GDI2: variants seen among roughly 807,000 people sequenced by gnomAD.
GDI2 encodes the protein GDP dissociation inhibitor 2, also known as rab GDP dissociation inhibitor beta.
A neutral mutation model predicts 54.2 loss-of-function variants in GDI2; 22 were observed. The observed-to-expected ratio is 0.41, with a 90% CI of 0.29 to 0.58. The LOEUF is 0.58. Among genes scored for constraint, GDI2 ranks in the 20% least tolerant of loss-of-function variants. GDI2 has a pLI of 0.35. For synonymous variants in GDI2, 177 were observed against 182.1 expected, an observed-to-expected ratio of 0.97 and a Z score of 0.23; for missense variants, 422 against 546.0, an observed-to-expected ratio of 0.77 and a Z score of 2.26.
chr10:5,775,592 A>G (rs1840600261), intron 6 of GDI2, among the ~76,000 whole-genome samples: 1 of 152,188 alleles, frequency 6.6e-6, no homozygotes, highest in Non-Finnish European at 1.5e-5. Flanking sequence ...GAGCCAACAA[A>G]TCTATGATAA....
chr10:5,766,184 A>G lies in GDI2; in HGVS notation c.1192-32T>C, dbSNP rs1215918463. ...ACAAAAATTACGAAGACTTAAGACC[A>G]TGGAGGGATGTCTTCCAGTGAAACC... On this transcript the variant is annotated intron_variant, in intron 10 of 10. Coordinates refer to ENST00000380191, the MANE Select transcript of GDI2 (RefSeq NM_001494.4). The surrounding 1 kb of genome is among the most constrained non-coding windows in gnomAD (Gnocchi z 5.8). 6.2e-7 allele frequency: 1 copy of G among 1,612,398 alleles called. No individual in the cohort carries two copies. The highest frequency in any genetic ancestry group is 8.5e-7 in the Non-Finnish European group (1 of 1,178,338).
At chr10:5,767,253 C>T (rs143417978) in intron 8 of GDI2, among the ~76,000 whole-genome samples, 73 of 151,310 alleles carry the variant, frequency 4.8e-4, no homozygotes, top group African/African-American at 1.7e-3. Context: ...ACCCAGGACC[C>T]GCCTGGGAAC....
At chr10:5,785,100 A>T in intron 6 of GDI2, 42 bp downstream of exon 6, 1 of 1,449,534 alleles carries the variant, frequency 6.9e-7, no homozygotes, top group Admixed American at 2.1e-5. Flanking sequence ...TATGTTGAAG[A>T]TGAGGTTTTG....
At chr10:5,795,160 CCT>C in intron 3 of GDI2, 141 bp from the exon 4 acceptor site, 2 of 615,424 alleles carry the variant, frequency 3.2e-6, no homozygotes, top group Non-Finnish European at 5.7e-6. Context: ...ACACAGTCTC[CCT>C]CTGTTGCCCA....
intron 1 of GDI2, among the ~76,000 whole-genome samples, chr10:5,805,711 C>A (rs1841364378): frequency 6.6e-6 from 1 of 152,170 alleles, no homozygotes; most frequent in African/African-American, 2.4e-5. Context: ...TGATGCTGGT[C>A]CAGGACCAAT....
At chr10:5,782,921 G>A (rs951772353) in intron 6 of GDI2, among the ~76,000 whole-genome samples, 2 of 152,098 alleles carry the variant, frequency 1.3e-5, no homozygotes, top group African/African-American at 2.4e-5. Context: ...CAACAAGAGT[G>A]GAACTCCATC....
In GDI2 at chr10:5,802,486, C is replaced by T. The variant is rs193290717; in HGVS notation, c.46-1781G>A. ...TGGTGGCGCATGCCTGTAATCCCAG[C>T]TACTCGGGAGGCTGAGGCAGGAGAA... On this transcript the variant is annotated intron_variant, in intron 1 of 10. Transcript: ENST00000380191. Among the ~76,000 whole-genome samples the T allele has an allele frequency of 2.7e-3, 406 of 152,036 alleles. 4 individuals carry two copies. The highest frequency in any genetic ancestry group is 9.2e-3 in the African/African-American group (382 of 41,486).
At chr10:5,804,092 CTTTCT>C (rs1415289138) in intron 1 of GDI2, among the ~76,000 whole-genome samples, 2 of 69,714 alleles carry the variant, frequency 2.9e-5, no homozygotes, top group Non-Finnish European at 9.2e-5. Context: ...GTGAATCATT[CTTTCT>C]TTTTTTTTTT....
At chr10:5,787,153 T>C (rs1200799822) in intron 4 of GDI2, among the ~76,000 whole-genome samples, 2 of 152,260 alleles carry the variant, frequency 1.3e-5, no homozygotes, top group Non-Finnish European at 2.9e-5. Flanking sequence ...CTTAATGTTT[T>C]GATAGATTTA....
intron 1 of GDI2, among the ~76,000 whole-genome samples, chr10:5,812,743 C>G (rs2131728315): frequency 6.6e-6 from 1 of 152,330 alleles, no homozygotes; most frequent in South Asian, 2.1e-4. Context: ...TCAGGAAACC[C>G]CGTACTCGGC....
chr10:5,791,750 G>GAA (rs35475458), intron 4 of GDI2, among the ~76,000 whole-genome samples: 69 of 137,270 alleles, frequency 5.0e-4, no homozygotes, highest in African/African-American at 9.9e-4. Context: ...CAAAAAAAAA[G>GAA]AAAAAAAAAA....
intron 1 of GDI2, among the ~76,000 whole-genome samples, chr10:5,811,525 G>C (rs1350499950): frequency 1.3e-5 from 2 of 152,068 alleles, no homozygotes; most frequent in Non-Finnish European, 2.9e-5. Flanking sequence ...AAATCTGAAA[G>C]ACCAGCAACA....
At position 5,768,570 on chromosome 10, in the gene GDI2, G is replaced by T; in HGVS notation, c.820-186C>A. On this transcript the variant is annotated intron_variant, in intron 7 of 10. Transcript: ENST00000380191. The surrounding 1 kb of genome is among the most constrained non-coding windows in gnomAD (Gnocchi z 4.4). ...TCTTAAAAGAAGAACAGCAAAGCTGGAGGACTCACTCACTAAAAAGCTACA... is the reference window on the plus strand; with the variant it reads ...TCTTAAAAGAAGAACAGCAAAGCTGTAGGACTCACTCACTAAAAAGCTACA... 1 of 577,866 alleles carries T rather than the reference G, an allele frequency of 1.7e-6. No homozygotes were observed. The highest frequency in any genetic ancestry group is 3.1e-6 in the Non-Finnish European group (1 of 325,478). 35.8% of individuals were successfully genotyped at this position (577,866 alleles called of 1,614,324 possible). A position where few individuals can be genotyped will look rare whatever the true frequency, so the allele number is the denominator to read the frequency against.
At chr10:5,802,869 A>G (rs1000056388) in intron 1 of GDI2, among the ~76,000 whole-genome samples, 7 of 152,228 alleles carry the variant, frequency 4.6e-5, no homozygotes, top group African/African-American at 9.6e-5. Flanking sequence ...GTGTTAATAT[A>G]TCAGAATATA....
At chr10:5,795,660 TG>T (rs1334443809) in intron 3 of GDI2, among the ~76,000 whole-genome samples, 2 of 152,178 alleles carry the variant, frequency 1.3e-5, no homozygotes, top group African/African-American at 2.4e-5. Flanking sequence ...CAGGCACAGG[TG>T]GCTCACACCT....
intron 6 of GDI2, among the ~76,000 whole-genome samples, chr10:5,781,686 A>AT (rs1220122645): frequency 1.3e-5 from 2 of 151,614 alleles, no homozygotes; most frequent in African/African-American, 4.8e-5. Context: ...CATTAAAAAA[A>AT]TTTTTTCTTT....
intron 2 of GDI2, among the ~76,000 whole-genome samples, chr10:5,800,276 T>TA (rs942037099): frequency 6.5e-4 from 98 of 150,026 alleles, no homozygotes; most frequent in African/African-American, 2.1e-3. Flanking sequence ...AAATGGAGAT[T>TA]AAAAAAAAAA....
At chr10:5,786,110 G>T in intron 4 of GDI2, 60 bp from the exon 5 acceptor site, 2 of 1,043,430 alleles carry the variant, frequency 1.9e-6, no homozygotes, top group African/African-American at 1.6e-5. Flanking sequence ...GGAGAACGAA[G>T]TATGAGAGCA....
rs1451917738 is a variant in GDI2, at chr10:5,813,334, AGGCGCTCTTG to A, written c.-86_-77del. ...TCCGTGACCACCCTACGAGGCTGGGAGGCGCTCTTGGGCGCGAAGGAAAGGGGAAGAGAAA... is the reference window on the plus strand; with the variant it reads ...TCCGTGACCACCCTACGAGGCTGGGAGGCGCGAAGGAAAGGGGAAGAGAAA... On this transcript the variant is annotated 5_prime_UTR_variant, in exon 1 of 11. Coordinates refer to ENST00000380191, the MANE Select transcript of GDI2 (RefSeq NM_001494.4). The A allele has an allele frequency of 4.4e-6, 5 of 1,124,144 alleles. No individual in the cohort carries two copies. In the African/African-American group the frequency reaches 6.3e-5, roughly 14 times the overall value. The allele number at this position is 1,124,144 out of a possible 1,614,324, so 69.6% of individuals were successfully genotyped here.
Sources: allele counts gnomAD v4.1 joint callset (sites outside exome capture counted in the v4.1 genomes callset), GRCh38; gene constraint gnomAD v4.1.1; non-coding constraint Gnocchi (gnomAD v3.1); transcripts MANE v1.5; gene names NCBI Gene and HGNC (gene_info 2026-07-23, HGNC 2026-07-21).